Variants in IL1RAP observed in about 807,000 individuals in gnomAD.
IL1RAP encodes interleukin 1 receptor accessory protein, also known as interleukin-1 receptor accessory protein.
A neutral mutation model predicts 60.7 loss-of-function variants in IL1RAP; 35 were observed. The ratio of observed to expected loss-of-function variants is 0.58; its 90% CI spans 0.44 to 0.76. The LOEUF (loss-of-function observed/expected upper bound fraction) is 0.76, where lower values mean the gene tolerates loss of function less well. IL1RAP is among the 30% of genes least tolerant of loss of function. The pLI, the probability that IL1RAP is intolerant of heterozygous loss-of-function variation, is 0.00. For missense variants in IL1RAP, 572 were observed against 693.9 expected (o/e 0.82, Z 1.97); for synonymous variants, 268 against 250.9 (o/e 1.07, Z -0.64).
At position 190,650,373 on chromosome 3, in the gene IL1RAP, C is replaced by T. The variant is rs1053299434; in HGVS notation, c.*1668C>T. On this transcript the variant is annotated 3_prime_UTR_variant, in exon 12 of 12. Transcript: ENST00000447382. Reference sequence around the variant, plus strand: ...TCACTGCTAAGCAGTAGCCAGCCATCGGGCATTAATTGATTTCCTACTATA... The same window carrying T: ...TCACTGCTAAGCAGTAGCCAGCCATTGGGCATTAATTGATTTCCTACTATA... 6.8e-5 allele frequency: 67 copies of T among 985,236 alleles called. No individual in the cohort carries two copies. The highest frequency in any genetic ancestry group is 7.8e-5 in the Non-Finnish European group (65 of 829,918). The allele number at this position is 985,236 out of a possible 1,614,324, so 61.0% of individuals were successfully genotyped here. A position where few individuals can be genotyped will look rare whatever the true frequency, so the allele number is the denominator to read the frequency against.
rs949511273 is a variant in IL1RAP, at chr3:190,638,084, T to C, written c.1052-6164T>C. Among the ~76,000 whole-genome samples the C allele has an allele frequency of 3.9e-5, 6 of 152,162 alleles. 1 individual carries two copies. The highest frequency in any genetic ancestry group is 1.4e-4 in the African/African-American group (6 of 41,452). On this transcript the variant is annotated intron_variant, in intron 9 of 11. Transcript: ENST00000447382. ...GGTTGTTATCAGTTTTGGGGTCTTTTGAATAAAGCTTCTGTGAACTTTCTT... is the reference window on the plus strand; with the variant it reads ...GGTTGTTATCAGTTTTGGGGTCTTTCGAATAAAGCTTCTGTGAACTTTCTT...
intron 8 of IL1RAP, among the ~76,000 whole-genome samples, chr3:190,628,660 A>G (rs142357151): frequency 6.6e-6 from 1 of 152,214 alleles, no homozygotes; most frequent in Non-Finnish European, 1.5e-5. Context: ...CGTGTTCATA[A>G]CAGCTTTCTC....
At chr3:190,544,051 A>G (rs1388554707) in intron 1 of IL1RAP, among the ~76,000 whole-genome samples, 2 of 151,944 alleles carry the variant, frequency 1.3e-5, no homozygotes, top group African/African-American at 4.8e-5. Flanking sequence ...GCATGCAAAA[A>G]CTCTCAGTTT....
chr3:190,580,918 A>G (rs774278232), intron 3 of IL1RAP, among the ~76,000 whole-genome samples: 26 of 152,298 alleles, frequency 1.7e-4, no homozygotes, highest in Non-Finnish European at 3.2e-4. Flanking sequence ...GCCCGTGTAT[A>G]TATCTCCAAA....
Position 190,648,638 on chromosome 3 carries a change from A to G in IL1RAP, c.1646A>G (p.Lys549Arg). 1 of 1,614,178 alleles carries G rather than the reference A, an allele frequency of 6.2e-7. No individual in the cohort carries two copies. Among genetic ancestry groups the G allele is most frequent in the Non-Finnish European group, 8.5e-7 (1 of 1,180,032 alleles). The change falls in exon 12 of 12, where the codon AAG becomes AGG. Residue 549 changes from lysine to arginine, a missense_variant. Coordinates refer to ENST00000447382, the MANE Select transcript of IL1RAP (RefSeq NM_002182.4). Reference sequence around the variant, plus strand: ...CAGCTGCAGGTGGCCATGCCAGTGAAGAAAAGTCCCAGGCGGTCTAGCAGT... The same window carrying G: ...CAGCTGCAGGTGGCCATGCCAGTGAGGAAAAGTCCCAGGCGGTCTAGCAGT... Reference protein sequence around the residue: ...WKQLQVAMPVKKSPRRSSSDE... With the variant: ...WKQLQVAMPVRKSPRRSSSDE...
intron 9 of IL1RAP, chr3:190,642,416 A>T (rs1267950816): frequency 6.5e-6 from 1 of 153,310 alleles, no homozygotes; most frequent in Non-Finnish European, 1.5e-5. Flanking sequence ...CATAAACGTG[A>T]TTCTATTTCA....
At chr3:190,625,005 C>A in intron 7 of IL1RAP, 1 of 160,196 alleles carries the variant, frequency 6.2e-6, no homozygotes, top group South Asian at 1.8e-4. Flanking sequence ...CTCGTGTGCT[C>A]GCGGTGCATT....
downstream of IL1RAP, among the ~76,000 whole-genome samples, chr3:190,655,479 A>G (rs1734583640): frequency 6.6e-6 from 1 of 152,154 alleles, no homozygotes; most frequent in Non-Finnish European, 1.5e-5. Flanking sequence ...TCAAAACAAG[A>G]AATAATTTGT....
intron 1 of IL1RAP, among the ~76,000 whole-genome samples, chr3:190,515,914 A>T (rs1721470068): frequency 6.6e-6 from 1 of 151,982 alleles, no homozygotes. Context: ...CCTTATTTAA[A>T]CACGAACACA....
intron 3 of IL1RAP, among the ~76,000 whole-genome samples, chr3:190,591,112 G>C (rs942838066): frequency 1.3e-5 from 2 of 152,174 alleles, no homozygotes; most frequent in Non-Finnish European, 2.9e-5. Context: ...AACAACATTT[G>C]TTGAGCACAA....
chr3:190,649,120 T>C lies in IL1RAP; in HGVS notation c.*415T>C. The C allele has an allele frequency of 1.0e-6, 1 of 988,270 alleles. No individual in the cohort carries two copies. Among genetic ancestry groups the C allele is most frequent in the Non-Finnish European group, 1.2e-6 (1 of 831,854 alleles). 61.2% of individuals were successfully genotyped at this position (988,270 alleles called of 1,614,324 possible). A position where few individuals can be genotyped will look rare whatever the true frequency, so the allele number is the denominator to read the frequency against. ...GTTTCCGAGTATAGTTTTCTTTTTA[T>C]CTTATTTTTACTCGTCCGTTGAAAA... On this transcript the variant is annotated 3_prime_UTR_variant, in exon 12 of 12. Transcript: ENST00000447382.
chr3:190,612,597 A>G (rs143433694), intron 5 of IL1RAP, among the ~76,000 whole-genome samples: 2 of 152,088 alleles, frequency 1.3e-5, no homozygotes, highest in African/African-American at 2.4e-5. Context: ...TTTTTTAGTC[A>G]TTCATTCATG....
chr3:190,521,164 T>C (rs1721984155), intron 1 of IL1RAP, among the ~76,000 whole-genome samples: 1 of 152,166 alleles, frequency 6.6e-6, no homozygotes, highest in Admixed American at 6.5e-5. Context: ...TGAGAATTGT[T>C]CCATTGCATG....
downstream of IL1RAP, among the ~76,000 whole-genome samples, chr3:190,655,314 C>A (rs868053780): frequency 6.6e-6 from 1 of 151,930 alleles, no homozygotes; most frequent in South Asian, 2.1e-4. Context: ...AGACATGAGG[C>A]CATGTCATTT....
downstream of IL1RAP, among the ~76,000 whole-genome samples, chr3:190,655,587 G>T (rs1395359246): frequency 4.6e-5 from 7 of 151,224 alleles, no homozygotes; most frequent in Non-Finnish European, 1.0e-4. Flanking sequence ...GTGTGTGTGT[G>T]TGTGTGTGTG....
chr3:190,588,450 C>T (rs906266041), intron 3 of IL1RAP, among the ~76,000 whole-genome samples: 19 of 152,156 alleles, frequency 1.2e-4, no homozygotes, highest in African/African-American at 4.3e-4. Context: ...ATTCATTTTC[C>T]ACTAGGCAGG....
chr3:190,635,156 C>G (rs1352341459), intron 9 of IL1RAP, among the ~76,000 whole-genome samples: 1 of 152,064 alleles, frequency 6.6e-6, no homozygotes, highest in Non-Finnish European at 1.5e-5. Flanking sequence ...TATTGGCATA[C>G]TTTTCTTTAG....
rs1734255562 is a variant in IL1RAP, at chr3:190,649,346, T to C, written c.*641T>C. 1.0e-6 allele frequency: 1 copy of C among 985,286 alleles called. No individual in the cohort carries two copies. Among genetic ancestry groups the C allele is most frequent in the Non-Finnish European group, 1.2e-6 (1 of 829,366 alleles). 61.0% of individuals were successfully genotyped at this position (985,286 alleles called of 1,614,324 possible). ...TCTCAGGTAATTTATGAAATCTATGTAAACTTGAAAAATATTTCTTAATTT... is the reference window on the plus strand; with the variant it reads ...TCTCAGGTAATTTATGAAATCTATGCAAACTTGAAAAATATTTCTTAATTT... On this transcript the variant is annotated 3_prime_UTR_variant, in exon 12 of 12. Coordinates refer to ENST00000447382, the MANE Select transcript of IL1RAP (RefSeq NM_002182.4).
At chr3:190,553,659 G>C (rs1158271007) in intron 1 of IL1RAP, among the ~76,000 whole-genome samples, 1 of 152,330 alleles carries the variant, frequency 6.6e-6, no homozygotes, top group South Asian at 2.1e-4. Context: ...AAAAGGCCAA[G>C]GAAAGGCTGG....
Sources: gnomAD v4.1 joint callset for allele counts (sites outside exome capture counted in the v4.1 genomes callset) on GRCh38, gnomAD v4.1.1 for gene constraint, MANE v1.5 for transcripts, NCBI Gene and HGNC (gene_info 2026-07-23, HGNC 2026-07-21) for gene names.